Variants in IRX5 observed in about 807,000 individuals in gnomAD.
IRX5 encodes iroquois homeobox 5.
A neutral mutation model predicts 37.6 loss-of-function variants in IRX5; 8 were observed. The observed-to-expected ratio is 0.21, with a 90% CI of 0.12 to 0.38. The LOEUF (loss-of-function observed/expected upper bound fraction) is 0.38, where lower values mean the gene tolerates loss of function less well. IRX5 is among the 10% of genes least tolerant of loss of function. IRX5 has a pLI of 1.00. For missense variants in IRX5, 635 were observed against 695.2 expected, an observed-to-expected ratio of 0.91 and a Z score of 0.97; for synonymous variants, 359 against 328.6, an observed-to-expected ratio of 1.09 and a Z score of -1.00.
chr16:54,934,265 A>C lies in IRX5; in HGVS notation c.*392A>C, dbSNP rs1963943377. 2 of 155,428 alleles carry C rather than the reference A, an allele frequency of 1.3e-5. No individual in the cohort carries two copies. Among genetic ancestry groups the C allele is most frequent in the Non-Finnish European group, 2.9e-5 (2 of 70,068 alleles). The allele number at this position is 155,428 out of a possible 1,614,324, so 9.6% of individuals were successfully genotyped here. On this transcript the variant is annotated 3_prime_UTR_variant, in exon 3 of 3. Coordinates refer to ENST00000394636, the MANE Select transcript of IRX5 (RefSeq NM_005853.6). ...CCCAAAACTGTTTCATAGTTAAAAA[A>C]TACAAGTTTAATTTAATTTTTTACA...
Position 54,933,840 on chromosome 16 carries a change from C to G in IRX5, c.1419C>G (p.Pro473=). 2 of 1,606,248 alleles carry G rather than the reference C, an allele frequency of 1.2e-6. No homozygotes were observed. Among genetic ancestry groups the G allele is most frequent in the Non-Finnish European group, 1.7e-6 (2 of 1,174,024 alleles). Reference sequence around the variant, plus strand: ...AGCTAGACCTGTGCAAAGACTCTCCCTATGAATTGAAGAAAGGTATGTCCG... The same window carrying G: ...AGCTAGACCTGTGCAAAGACTCTCCGTATGAATTGAAGAAAGGTATGTCCG... ...QSQLDLCKDS[P]YELKKGMSDI Residue 473 remains proline, a synonymous_variant, in exon 3 of 3, where the codon CCC becomes CCG. Transcript: ENST00000394636.
Position 54,932,986 on chromosome 16 carries a change from G to A in IRX5, c.655+83G>A. ...GGAGGGGGCGCGCACGGGGCCTGGA[G>A]GTTGGGGGCAGGGGTCCCTGCCTTT... On this transcript the variant is annotated intron_variant, in intron 2 of 2. Transcript: ENST00000394636. The surrounding 1 kb of genome is among the most constrained non-coding windows in gnomAD (Gnocchi z 6.7). The A allele has an allele frequency of 6.3e-7, 1 of 1,594,662 alleles. No homozygotes were observed.
rs200905418 is a variant in IRX5 at position 54,932,914 on chromosome 16, A to C, written c.655+11A>C. 1.2e-4 allele frequency: 189 copies of C among 1,604,162 alleles called. 1 individual carries two copies. In the East Asian group the frequency reaches 4.2e-3, roughly 35 times the overall value. ...AGGGCCCCGAAGCAGGTTGGTGGACATGGGAAAGGGCGTGTTGGGCGGGAG... is the reference window on the plus strand; with the variant it reads ...AGGGCCCCGAAGCAGGTTGGTGGACCTGGGAAAGGGCGTGTTGGGCGGGAG... On this transcript the variant is annotated intron_variant, in intron 2 of 2. Transcript: ENST00000394636. This position sits in a 1 kb window ranked among gnomAD's most constrained non-coding sequence, Gnocchi z 6.7.
Position 54,933,244 on chromosome 16 carries a change from C to G in IRX5, c.823C>G (p.Pro275Ala), listed in dbSNP as rs1354845413. 2.7e-4 allele frequency: 377 copies of G among 1,408,542 alleles called. No individual in the cohort carries two copies. Among genetic ancestry groups the G allele is most frequent in the Non-Finnish European group, 3.3e-4 (365 of 1,090,058 alleles). 87.3% of individuals were successfully genotyped at this position (1,408,542 alleles called of 1,614,324 possible). A position where few individuals can be genotyped will look rare whatever the true frequency, so the allele number is the denominator to read the frequency against. ...QGPPRTGGPS[P>A]AGPAAARLAE... is the part of the protein sequence containing the mutation. ...CCCCCCCCGCACCGGCGGGCCCTCC[C>G]CGGCTGGGCCAGCGGCGGCGCGGCT... The change falls in exon 3 of 3, where the codon CCG (proline) becomes GCG (alanine). Residue 275 changes from proline (P) to alanine (A), a missense_variant. By Grantham distance (27) the Pro-to-Ala change is conservative. Around this residue, in one of 5 missense-constraint regions of IRX5, gnomAD observed 244 missense variants for 205.4 expected, o/e 1.19. Transcript: ENST00000394636.
rs749412815 is a variant in IRX5 at position 54,931,261 on chromosome 16, G to C, written c.63G>C (p.Pro21=). The C allele has an allele frequency of 6.2e-7, 1 of 1,612,376 alleles. No individual in the cohort carries two copies. The highest frequency in any genetic ancestry group is 8.5e-7 in the Non-Finnish European group (1 of 1,179,514). The change falls in exon 1 of 3, where the codon CCG becomes CCC. Residue 21 remains proline (P), a synonymous_variant. Transcript: ENST00000394636. ...PSASLALYSC[P]AYSTSVISGP... ...CCTCGCTGGCGCTCTACTCGTGCCC[G>C]GCGTACAGCACCAGCGTCATTTCGG...
chr16:54,932,231 TGGG>T lies in IRX5; in HGVS notation c.250-264_250-262del. On this transcript the variant is annotated intron_variant, in intron 1 of 2. Transcript: ENST00000394636. This position sits in a 1 kb window ranked among gnomAD's most constrained non-coding sequence, Gnocchi z 6.7. ...CGGGGTACGGACGTGCCCGGGCAGA[TGGG>T]GGCCTACGGGGTGACACCGAGGCCG... is the stretch of plus-strand genomic sequence containing the variant. The T allele has an allele frequency of 1.4e-6, 1 of 692,916 alleles. No individual in the cohort carries two copies. Among genetic ancestry groups the T allele is most frequent in the Non-Finnish European group, 2.6e-6 (1 of 378,784 alleles). 42.9% of individuals were successfully genotyped at this position (692,916 alleles called of 1,614,324 possible).
In IRX5 at chr16:54,933,683, T is replaced by C. The variant is rs1596763597; in HGVS notation, c.1262T>C (p.Leu421Pro). The C allele has an allele frequency of 6.2e-7, 1 of 1,613,536 alleles. No homozygotes were observed. ...GYTNYGSFGHLHGHPGPGPGP... is the reference protein window; with the variant it reads ...GYTNYGSFGHPHGHPGPGPGP... ...ACGAACTATGGCTCCTTCGGACACC[T>C]TCATGGCCACCCGGGGCCCGGGCCA... Residue 421 changes from leucine to proline, a missense_variant, in exon 3 of 3, where the codon CTT (leucine) becomes CCT (proline). By Grantham distance (98) the Leu-to-Pro change is moderately conservative. Around this residue, in one of 5 missense-constraint regions of IRX5, gnomAD observed 188 missense variants for 200.8 expected, o/e 0.94. Transcript: ENST00000394636.
rs1445288989 is a variant in IRX5, at chr16:54,931,956, C to T, written c.249+509C>T. On this transcript the variant is annotated intron_variant, in intron 1 of 2. Coordinates refer to ENST00000394636, the MANE Select transcript of IRX5 (RefSeq NM_005853.6). The stretch of plus-strand genomic sequence containing the variant: ...AAAGTCGGTCGAGCTGCGGTGCATC[C>T]GGGATTTTTCGGCCGGGTTGTAACT... The T allele has an allele frequency of 3.3e-5, 21 of 637,624 alleles. No individual in the cohort carries two copies. In the Admixed American group the frequency reaches 4.9e-4, roughly 15 times the overall value. The allele number at this position is 637,624 out of a possible 1,614,324, so 39.5% of individuals were successfully genotyped here. A position where few individuals can be genotyped will look rare whatever the true frequency, so the allele number is the denominator to read the frequency against.
chr16:54,932,976 G>A lies in IRX5; in HGVS notation c.655+73G>A, dbSNP rs987215565. 2.0e-5 allele frequency: 32 copies of A among 1,584,198 alleles called. No individual in the cohort carries two copies. The highest frequency in any genetic ancestry group is 2.1e-4 in the Middle Eastern group (1 of 4,868). ...AGAGAGGCCTGGAGGGGGCGCGCAC[G>A]GGGCCTGGAGGTTGGGGGCAGGGGT... On this transcript the variant is annotated intron_variant, in intron 2 of 2. Transcript: ENST00000394636. The surrounding 1 kb of genome is among the most constrained non-coding windows in gnomAD (Gnocchi z 6.7).
chr16:54,933,744 A>G lies in IRX5; in HGVS notation c.1323A>G (p.Gly441=). The G allele has an allele frequency of 6.2e-7, 1 of 1,614,018 alleles. No homozygotes were observed. The highest frequency in any genetic ancestry group is 2.2e-5 in the East Asian group (1 of 44,878). Reference sequence around the variant, plus strand: ...CCGGTCCGGGGTCTCATTTCAATGGATTAAACCAGACCGTGTTGAACCGAG... The same window carrying G: ...CCGGTCCGGGGTCTCATTTCAATGGGTTAAACCAGACCGTGTTGAACCGAG... ...PTTGPGSHFN[G]LNQTVLNRAD... The change falls in exon 3 of 3, where the codon GGA becomes GGG. Residue 441 remains glycine, a synonymous_variant. Coordinates refer to ENST00000394636, the MANE Select transcript of IRX5 (RefSeq NM_005853.6).
Position 54,933,942 on chromosome 16 carries a change from C to T in IRX5, c.*69C>T. 1.4e-6 allele frequency: 2 copies of T among 1,434,940 alleles called. No individual in the cohort carries two copies. The highest frequency in any genetic ancestry group is 1.9e-6 in the Non-Finnish European group (2 of 1,079,796). 88.9% of individuals were successfully genotyped at this position (1,434,940 alleles called of 1,614,324 possible). On this transcript the variant is annotated 3_prime_UTR_variant, in exon 3 of 3. Transcript: ENST00000394636. The stretch of plus-strand genomic sequence containing the variant: ...ATGGCCTTGGCAGTTATTTTTCCAT[C>T]ACCGAGAGAGAGAGACAGAGAGAGA...
In IRX5 at chr16:54,932,128, C is replaced by A; in HGVS notation, c.250-370C>A. ...TGCGCCCAACGTGCGTCCGCTCCCC[C>A]GCCGAGCGCGGAGTCGCCTCAGTTG... On this transcript the variant is annotated intron_variant, in intron 1 of 2. Transcript: ENST00000394636. This position sits in a 1 kb window ranked among gnomAD's most constrained non-coding sequence, Gnocchi z 6.7. 1.4e-6 allele frequency: 1 copy of A among 702,932 alleles called. No homozygotes were observed. Among genetic ancestry groups the A allele is most frequent in the Non-Finnish European group, 2.6e-6 (1 of 384,980 alleles). 43.5% of individuals were successfully genotyped at this position (702,932 alleles called of 1,614,324 possible). A position where few individuals can be genotyped will look rare whatever the true frequency, so the allele number is the denominator to read the frequency against.
At position 54,932,159 on chromosome 16, in the gene IRX5, G is replaced by T. The variant is rs960834222; in HGVS notation, c.250-339G>T. On this transcript the variant is annotated intron_variant, in intron 1 of 2. Transcript: ENST00000394636. This position sits in a 1 kb window ranked among gnomAD's most constrained non-coding sequence, Gnocchi z 6.7. Reference sequence around the variant, plus strand: ...GCGCGGAGTCGCCTCAGTTGCCCAGGCCTCTATCTGCATGGAGGGCCGGGC... The same window carrying T: ...GCGCGGAGTCGCCTCAGTTGCCCAGTCCTCTATCTGCATGGAGGGCCGGGC... The T allele has an allele frequency of 3.1e-5, 22 of 702,764 alleles. No individual in the cohort carries two copies. In the African/African-American group the frequency reaches 3.5e-4, roughly 11 times the overall value. The allele number at this position is 702,764 out of a possible 1,614,324, so 43.5% of individuals were successfully genotyped here. A position where few individuals can be genotyped will look rare whatever the true frequency, so the allele number is the denominator to read the frequency against.
Position 54,933,504 on chromosome 16 carries a change from G to A in IRX5, c.1083G>A (p.Pro361=). The stretch of plus-strand genomic sequence containing the variant: ...GGAACGAGGGCTCTCCATGCCCACC[G>A]TGTCCCGGGCCCATAGCCGGGCAAG... ...GGGNEGSPCP[P]CPGPIAGQAL... Residue 361 remains proline, a synonymous_variant, in exon 3 of 3, where the codon CCG becomes CCA. Transcript: ENST00000394636. The A allele has an allele frequency of 6.2e-7, 1 of 1,610,844 alleles. No individual in the cohort carries two copies. Among genetic ancestry groups the A allele is most frequent in the South Asian group, 1.1e-5 (1 of 90,730 alleles).
chr16:54,931,875 G>C (rs1371375916), intron 1 of IRX5, among the ~76,000 whole-genome samples: 2 of 152,160 alleles, frequency 1.3e-5, no homozygotes, highest in South Asian at 4.1e-4. Context: ...CCTCCAAAAT[G>C]TTGCAAATCC....
At position 54,932,043 on chromosome 16, in the gene IRX5, GC is replaced by G. The variant is rs1253444264; in HGVS notation, c.250-454del. On this transcript the variant is annotated intron_variant, in intron 1 of 2. Transcript: ENST00000394636. This position sits in a 1 kb window ranked among gnomAD's most constrained non-coding sequence, Gnocchi z 6.7. ...GTGGGCATGGCTCAGCTTTTTGTTT[GC>G]ATTTCTTAGCTGTTGAAAAAAGAAA... The G allele has an allele frequency of 1.4e-6, 1 of 701,514 alleles. No individual in the cohort carries two copies. The highest frequency in any genetic ancestry group is 2.6e-6 in the Non-Finnish European group (1 of 384,514). 43.5% of individuals were successfully genotyped at this position (701,514 alleles called of 1,614,324 possible). A position where few individuals can be genotyped will look rare whatever the true frequency, so the allele number is the denominator to read the frequency against.
Position 54,931,426 on chromosome 16 carries a change from C to T in IRX5, c.228C>T (p.Ala76=), listed in dbSNP as rs765411089. 2.5e-6 allele frequency: 4 copies of T among 1,590,500 alleles called. No individual in the cohort carries two copies. The highest frequency in any genetic ancestry group is 3.4e-6 in the Non-Finnish European group (4 of 1,176,036). The change falls in exon 1 of 3, where the codon GCC becomes GCT. Residue 76 remains alanine, a synonymous_variant. Coordinates refer to ENST00000394636, the MANE Select transcript of IRX5 (RefSeq NM_005853.6). ...GCGCCGACCCCGCGGCCGCCGCCGC[C>T]GCCGCCTTCTCCTCGTACGTGGTAA... ...QYGADPAAAA[A]AAFSSYVGSP...
chr16:54,933,543 C>T lies in IRX5; in HGVS notation c.1122C>T (p.Ser374=), dbSNP rs1232370408. 12 of 1,607,124 alleles carry T rather than the reference C, an allele frequency of 7.5e-6. No homozygotes were observed. The highest frequency in any genetic ancestry group is 1.7e-5 in the Admixed American group (1 of 59,284). The change falls in exon 3 of 3, where the codon AGC becomes AGT. Residue 374 remains serine (S), a synonymous_variant. Coordinates refer to ENST00000394636, the MANE Select transcript of IRX5 (RefSeq NM_005853.6). The part of the protein sequence containing the change: ...GPIAGQALGG[S]RASPAPAPSR... ...TAGCCGGGCAAGCCCTAGGAGGCAG[C>T]CGGGCGTCGCCGGCCCCGGCGCCGT...
rs774104822 is a variant in IRX5 at position 54,931,402 on chromosome 16, C to T, written c.204C>T (p.Gly68=). 6.3e-7 allele frequency: 1 copy of T among 1,595,896 alleles called. No individual in the cohort carries two copies. Among genetic ancestry groups the T allele is most frequent in the South Asian group, 1.1e-5 (1 of 90,736 alleles). Residue 68 remains glycine, a synonymous_variant, in exon 1 of 3, where the codon GGC becomes GGT. Transcript: ENST00000394636. ...SPGYNSHLQY[G]ADPAAAAAAA... is the part of the protein sequence containing the mutation. ...GCTACAACTCGCACCTCCAGTACGG[C>T]GCCGACCCCGCGGCCGCCGCCGCCG...
Sources: allele counts gnomAD v4.1 joint callset (sites outside exome capture counted in the v4.1 genomes callset), GRCh38; gene constraint gnomAD v4.1.1; regional missense constraint gnomAD v4.1.1; non-coding constraint Gnocchi (gnomAD v3.1); transcripts MANE v1.5; gene names NCBI Gene and HGNC (gene_info 2026-07-23, HGNC 2026-07-21).